ERBIN: variants seen among roughly 807,000 people sequenced by gnomAD.
The protein encoded by ERBIN is densin-180-like protein.
In ERBIN, 60 loss-of-function variants were observed where a neutral mutation model predicts 158.4. That is an observed-to-expected ratio of 0.38 (90% CI 0.31 to 0.47). ERBIN has a LOEUF of 0.47. Ranked by LOEUF, ERBIN falls within the 20% of genes least tolerant of loss-of-function variation. The probability of loss-of-function intolerance (pLI) is 0.99; values close to 1 mark genes in which losing one functional copy is unlikely to be tolerated. For synonymous variants in ERBIN, 594 were observed against 557.2 expected, an observed-to-expected ratio of 1.07 and a Z score of -0.93; for missense variants, 1,610 against 1,648.0, an observed-to-expected ratio of 0.98 and a Z score of 0.40.
At position 66,079,323 on chromosome 5, in the gene ERBIN, C is replaced by G. The variant is rs1214108698; in HGVS notation, c.*793C>G. Reference sequence around the variant, plus strand: ...TTTTAGTCACAGGAAATTTTTAACTCTACTGTAGATGCATGTCCATGCATT... The same window carrying G: ...TTTTAGTCACAGGAAATTTTTAACTGTACTGTAGATGCATGTCCATGCATT... On this transcript the variant is annotated 3_prime_UTR_variant, in exon 26 of 26. Transcript: ENST00000284037. 1 of 149,556 alleles carries G rather than the reference C, an allele frequency of 6.7e-6. No individual in the cohort carries two copies. Among genetic ancestry groups the G allele is most frequent in the Non-Finnish European group, 1.5e-5 (1 of 67,590 alleles). 9.3% of individuals were successfully genotyped at this position (149,556 alleles called of 1,614,324 possible).
chr5:66,017,147 A>G (rs1222991184), intron 7 of ERBIN, among the ~76,000 whole-genome samples: 2 of 152,130 alleles, frequency 1.3e-5, no homozygotes, highest in African/African-American at 4.8e-5. Context: ...TAGTGCTGCC[A>G]TAGACATAGG....
At chr5:66,045,453 A>G (rs960027456) in intron 17 of ERBIN, among the ~76,000 whole-genome samples, 43 of 146,062 alleles carry the variant, frequency 2.9e-4, no homozygotes, top group Admixed American at 2.0e-4. Context: ...ATGTATGTAT[A>G]TACATATAGT....
At chr5:65,963,732 G>C (rs1202424379) in intron 1 of ERBIN, among the ~76,000 whole-genome samples, 1 of 151,842 alleles carries the variant, frequency 6.6e-6, no homozygotes, top group Non-Finnish European at 1.5e-5. Context: ...TTTTAATATA[G>C]ACAAATTTTA....
intron 1 of ERBIN, among the ~76,000 whole-genome samples, chr5:65,967,822 G>T (rs1748831497): frequency 6.6e-6 from 1 of 152,168 alleles, no homozygotes; most frequent in African/African-American, 2.4e-5. Context: ...GCTCATCTTG[G>T]CTTAGCTAGT....
intron 24 of ERBIN, 86 bp downstream of exon 24, chr5:66,076,494 T>C (rs888305392): frequency 2.9e-6 from 3 of 1,047,724 alleles, no homozygotes; most frequent in Admixed American, 2.1e-5. Flanking sequence ...ATCTAATAGA[T>C]GTTTATGTAA....
chr5:66,020,940 A>G (rs1267098548), intron 7 of ERBIN, among the ~76,000 whole-genome samples: 1 of 151,964 alleles, frequency 6.6e-6, no homozygotes, highest in East Asian at 1.9e-4. Context: ...AGTTTTGAAA[A>G]AGAATTTTTG....
chr5:66,023,132 A>G (rs1410775312), intron 8 of ERBIN, 158 bp from the exon 9 acceptor site: 1 of 596,408 alleles, frequency 1.7e-6, no homozygotes, highest in Non-Finnish European at 2.9e-6. Context: ...AAAGGCTTAC[A>G]TCCTGGCTCT....
chr5:66,075,571 A>C (rs1761908981), intron 23 of ERBIN, among the ~76,000 whole-genome samples: 1 of 152,202 alleles, frequency 6.6e-6, no homozygotes, highest in Non-Finnish European at 1.5e-5. Context: ...TTAATTCCTT[A>C]GATTTTGAAA....
chr5:66,071,395 T>C (rs1241015186), intron 21 of ERBIN, among the ~76,000 whole-genome samples: 1 of 151,936 alleles, frequency 6.6e-6, no homozygotes, highest in African/African-American at 2.4e-5. Context: ...GAAAGAAATA[T>C]TCAGGGGTAA....
At chr5:66,049,231 G>A (rs1276056874) in intron 19 of ERBIN, among the ~76,000 whole-genome samples, 3 of 151,934 alleles carry the variant, frequency 2.0e-5, no homozygotes, top group Non-Finnish European at 2.9e-5. Context: ...TTTACACTCC[G>A]TCCAACCTCT....
At chr5:66,000,466 C>T (rs972618667) in intron 4 of ERBIN, among the ~76,000 whole-genome samples, 1 of 152,060 alleles carries the variant, frequency 6.6e-6, no homozygotes, top group African/African-American at 2.4e-5. Context: ...TTTGTTGTTG[C>T]TTCTACTATA....
chr5:65,944,425 C>G (rs1294882797), intron 1 of ERBIN, among the ~76,000 whole-genome samples: 1 of 151,810 alleles, frequency 6.6e-6, no homozygotes, highest in Non-Finnish European at 1.5e-5. Context: ...TGTTTTGAGG[C>G]AGAGTTTGCT....
intron 8 of ERBIN, 24 bp downstream of exon 8, chr5:66,021,409 TC>T: frequency 6.7e-7 from 1 of 1,486,052 alleles, no homozygotes; most frequent in East Asian, 2.3e-5. Flanking sequence ...AGTCTCACTT[TC>T]CCTAAGTTCT....
chr5:65,989,817 T>C (rs1424704719), intron 2 of ERBIN, among the ~76,000 whole-genome samples: 1 of 152,222 alleles, frequency 6.6e-6, no homozygotes, highest in Non-Finnish European at 1.5e-5. Flanking sequence ...GTGGCTACCA[T>C]ACTGGACATA....
At chr5:66,020,159 ATGAAT>A (rs917152950) in intron 7 of ERBIN, among the ~76,000 whole-genome samples, 1 of 152,012 alleles carries the variant, frequency 6.6e-6, no homozygotes, top group Non-Finnish European at 1.5e-5. Context: ...GCATTATGAG[ATGAAT>A]TGAAGAGTTG....
At chr5:65,957,936 C>T (rs1366904469) in intron 1 of ERBIN, among the ~76,000 whole-genome samples, 1 of 151,550 alleles carries the variant, frequency 6.6e-6, no homozygotes, top group African/African-American at 2.4e-5. Context: ...CCTCACTTCT[C>T]AGATGGGGCG....
At chr5:66,024,256 C>G (rs758922161) in intron 9 of ERBIN, 50 bp from the exon 10 acceptor site, 4 of 1,253,084 alleles carry the variant, frequency 3.2e-6, no homozygotes, top group Non-Finnish European at 4.4e-6. Flanking sequence ...AAACTTTTTA[C>G]AAATTACTAA....
intron 3 of ERBIN, among the ~76,000 whole-genome samples, chr5:65,993,860 T>C (rs1432769856): frequency 6.6e-6 from 1 of 152,188 alleles, no homozygotes; most frequent in Non-Finnish European, 1.5e-5. Flanking sequence ...AAAAATTATT[T>C]GTTGTTTGTC....
At chr5:65,965,863 A>G (rs1278690733) in intron 1 of ERBIN, among the ~76,000 whole-genome samples, 1 of 152,212 alleles carries the variant, frequency 6.6e-6, no homozygotes, top group Non-Finnish European at 1.5e-5. Flanking sequence ...ATGTAAGCTC[A>G]TTAAGCCCAG....
Sources: allele counts gnomAD v4.1 joint callset (sites outside exome capture counted in the v4.1 genomes callset), GRCh38; gene constraint gnomAD v4.1.1; transcripts MANE v1.5; gene names NCBI Gene and HGNC (gene_info 2026-07-23, HGNC 2026-07-21).